The following TMEM161B variants were observed in gnomAD, a reference collection of about 807,000 sequenced individuals.
TMEM161B encodes the protein transmembrane protein 161B.
Under a neutral mutation model 61.8 loss-of-function variants are expected in TMEM161B, and 34 were observed. The ratio of observed to expected loss-of-function variants is 0.55; its 90% CI spans 0.42 to 0.73. The LOEUF (loss-of-function observed/expected upper bound fraction) is 0.73, where lower values mean the gene tolerates loss of function less well. Ranked by LOEUF, TMEM161B falls within the 30% of genes least tolerant of loss-of-function variation. The pLI is 0.00. For synonymous variants in TMEM161B, 167 were observed against 192.8 expected, an observed-to-expected ratio of 0.87 and a Z score of 1.11; for missense variants, 456 against 558.5, an observed-to-expected ratio of 0.82 and a Z score of 1.85.
chr5:88,227,506 G>A (rs1750250978), intron 3 of TMEM161B, among the ~76,000 whole-genome samples: 2 of 152,140 alleles, frequency 1.3e-5, no homozygotes, highest in South Asian at 2.1e-4. Flanking sequence ...ATAAAAAGAA[G>A]GAAGGTTTAC....
intron 5 of TMEM161B, among the ~76,000 whole-genome samples, chr5:88,207,487 T>C (rs1745745618): frequency 6.6e-6 from 1 of 152,196 alleles, no homozygotes; most frequent in Non-Finnish European, 1.5e-5. Flanking sequence ...GGCATGTCTG[T>C]TAAACCAGTT....
downstream of TMEM161B, among the ~76,000 whole-genome samples, chr5:88,192,024 A>ATATATG (rs1554045803): frequency 3.7e-4 from 19 of 51,482 alleles, no homozygotes; most frequent in South Asian, 9.8e-4. Context: ...ATATATATAT[A>ATATATG]TATGTATATA....
At chr5:88,230,720 C>T (rs548076908) in intron 2 of TMEM161B, among the ~76,000 whole-genome samples, 31 of 152,282 alleles carry the variant, frequency 2.0e-4, no homozygotes, top group Admixed American at 8.5e-4. Context: ...CTATTGTTTA[C>T]AAGCAGTCTT....
In TMEM161B at chr5:88,196,366, T is replaced by C; in HGVS notation, c.1309A>G (p.Thr437Ala). ...CTGCTCAGTGCCACTGTTATTTGTGTAACAGTTACCTTCATTTTCCCTTCA... is the reference window on the plus strand; with the variant it reads ...CTGCTCAGTGCCACTGTTATTTGTGCAACAGTTACCTTCATTTTCCCTTCA... Reference protein sequence around the residue: ...SAEGKMKVTVTQITVALSSLK... With the variant: ...SAEGKMKVTVAQITVALSSLK... The change falls in exon 12 of 12, where the codon ACA becomes GCA. Residue 437 changes from threonine (T) to alanine (A), a missense_variant. Physicochemically the swap from Thr to Ala is moderately conservative, Grantham distance 58. Around this residue, in one of 3 missense-constraint regions of TMEM161B, gnomAD observed 367 missense variants for 427.3 expected, o/e 0.86. Transcript: ENST00000296595. 6.2e-7 allele frequency: 1 copy of C among 1,613,448 alleles called. No individual in the cohort carries two copies. The highest frequency in any genetic ancestry group is 8.5e-7 in the Non-Finnish European group (1 of 1,179,584).
intron 8 of TMEM161B, among the ~76,000 whole-genome samples, chr5:88,204,173 A>C (rs918794017): frequency 5.9e-5 from 9 of 152,038 alleles, no homozygotes; most frequent in African/African-American, 2.2e-4. Flanking sequence ...TGATATAAAA[A>C]CACATCCTAG....
At position 88,196,082 on chromosome 5, in the gene TMEM161B, T is replaced by C; in HGVS notation, c.*129A>G. On this transcript the variant is annotated 3_prime_UTR_variant, in exon 12 of 12. Transcript: ENST00000296595. ...CTGAGAATACAGAGGAAACATTTAA[T>C]ACAAGACATTCTGATATGTTTTTTT... The C allele has an allele frequency of 6.9e-7, 1 of 1,442,976 alleles. No homozygotes were observed. The highest frequency in any genetic ancestry group is 9.1e-7 in the Non-Finnish European group (1 of 1,101,860). The allele number at this position is 1,442,976 out of a possible 1,614,324, so 89.4% of individuals were successfully genotyped here. A position where few individuals can be genotyped will look rare whatever the true frequency, so the allele number is the denominator to read the frequency against.
At chr5:88,223,852 G>A (rs989782883) in intron 4 of TMEM161B, among the ~76,000 whole-genome samples, 33 of 151,776 alleles carry the variant, frequency 2.2e-4, no homozygotes, top group South Asian at 1.5e-3. Context: ...TAGCACCACT[G>A]CACTCCAGCC....
At chr5:88,210,905 G>C (rs999819931) in intron 5 of TMEM161B, among the ~76,000 whole-genome samples, 1 of 152,068 alleles carries the variant, frequency 6.6e-6, no homozygotes, top group Non-Finnish European at 1.5e-5. Flanking sequence ...AAAAGGAATC[G>C]GAAAACATTT....
At chr5:88,200,736 AC>A (rs1744231129) in intron 9 of TMEM161B, 1 of 152,008 alleles carries the variant, frequency 6.6e-6, no homozygotes, top group South Asian at 2.1e-4. Flanking sequence ...GGCAGAAGAA[AC>A]CACCTTAAAT....
rs763072448 is a variant in TMEM161B at position 88,199,105 on chromosome 5, G to T, written c.960C>A (p.Ile320=). The change falls in exon 10 of 12, where the codon ATC becomes ATA. Residue 320 remains isoleucine, a synonymous_variant. Coordinates refer to ENST00000296595, the MANE Select transcript of TMEM161B (RefSeq NM_153354.5). ...TGGCCAACCGCAAAGCACACAGCAG[G>T]ATTATTAACCAGAGTCGCAGAGTAT... The part of the protein sequence containing the change: ...TFDTLRLWLI[I]LLCALRLAMM... 1 of 1,612,708 alleles carries T rather than the reference G, an allele frequency of 6.2e-7. No individual in the cohort carries two copies. The highest frequency in any genetic ancestry group is 1.1e-5 in the South Asian group (1 of 90,998).
chr5:88,244,540 T>TGTG (rs1310809963), intron 1 of TMEM161B, among the ~76,000 whole-genome samples: 1 of 151,590 alleles, frequency 6.6e-6, no homozygotes, highest in Non-Finnish European at 1.5e-5. Flanking sequence ...ACTATAGCCT[T>TGTG]GTGGTATAAT....
At chr5:88,242,468 A>G (rs908791375) in intron 1 of TMEM161B, among the ~76,000 whole-genome samples, 1 of 151,768 alleles carries the variant, frequency 6.6e-6, no homozygotes, top group Non-Finnish European at 1.5e-5. Flanking sequence ...TTCTATACCA[A>G]AAAAGCACTT....
chr5:88,221,465 C>T lies in TMEM161B; in HGVS notation c.290-746G>A, dbSNP rs117041740. On this transcript the variant is annotated intron_variant, in intron 4 of 11. Coordinates refer to ENST00000296595, the MANE Select transcript of TMEM161B (RefSeq NM_153354.5). The stretch of plus-strand genomic sequence containing the variant: ...AGTGAGCTGAGTTCACACCATGGCA[C>T]TCCAACCTGAGTGACAGAGAGAGAC... The T allele has an allele frequency of 2.8e-4, 76 of 271,712 alleles. No homozygotes were observed. In the East Asian group the frequency reaches 6.0e-3, roughly 22 times the overall value. 16.8% of individuals were successfully genotyped at this position (271,712 alleles called of 1,614,324 possible). A position where few individuals can be genotyped will look rare whatever the true frequency, so the allele number is the denominator to read the frequency against.
At chr5:88,225,262 C>T (rs1324929886) in intron 4 of TMEM161B, among the ~76,000 whole-genome samples, 3 of 151,934 alleles carry the variant, frequency 2.0e-5, no homozygotes, top group Non-Finnish European at 2.9e-5. Flanking sequence ...CCACCGCGCC[C>T]AGCCAAAATA....
chr5:88,196,935 A>C (rs1749752592), intron 11 of TMEM161B, among the ~76,000 whole-genome samples: 1 of 152,140 alleles, frequency 6.6e-6, no homozygotes, highest in Non-Finnish European at 1.5e-5. Flanking sequence ...AATTTATTTC[A>C]TCATATACTT....
intron 4 of TMEM161B, among the ~76,000 whole-genome samples, chr5:88,223,898 A>T (rs977926520): frequency 2.8e-5 from 4 of 145,330 alleles, no homozygotes; most frequent in Non-Finnish European, 6.1e-5. Flanking sequence ...CAAAAAAAAT[A>T]AAAAAAAAAA....
Position 88,242,935 on chromosome 5 carries a change from C to T in TMEM161B, c.4-2019G>A, listed in dbSNP as rs981687478. Among the ~76,000 whole-genome samples the T allele has an allele frequency of 9.3e-5, 14 of 151,094 alleles. 1 individual carries two copies. Among genetic ancestry groups the T allele is most frequent in the Admixed American group, 7.3e-4 (11 of 15,124 alleles). On this transcript the variant is annotated intron_variant, in intron 1 of 11. Transcript: ENST00000296595. ...ATAAACTGGGGAAAAGTAGAACTCA[C>T]CAAAAAGAGCTAATTTACTTATTGG...
intron 5 of TMEM161B, among the ~76,000 whole-genome samples, chr5:88,211,162 G>A (rs1178608388): frequency 2.6e-5 from 4 of 151,216 alleles, no homozygotes; most frequent in Admixed American, 6.6e-5. Context: ...AAAAAAATAC[G>A]AGCTAAAATC....
intron 8 of TMEM161B, among the ~76,000 whole-genome samples, chr5:88,205,225 A>G (rs1458154397): frequency 6.6e-6 from 1 of 152,180 alleles, no homozygotes; most frequent in South Asian, 2.1e-4. Context: ...CCAAACTAAC[A>G]TATAACTTCA....
Sources: gnomAD v4.1 joint callset for allele counts (sites outside exome capture counted in the v4.1 genomes callset) on GRCh38, gnomAD v4.1.1 for gene constraint, gnomAD v4.1.1 regional missense constraint, MANE v1.5 for transcripts, NCBI Gene and HGNC (gene_info 2026-07-23, HGNC 2026-07-21) for gene names.